STEAP3: variants seen among roughly 807,000 people sequenced by gnomAD.
The protein encoded by STEAP3 is metalloreductase STEAP3.
STEAP3 carries 35 observed loss-of-function variants against 34.9 expected under a neutral mutation model. That is an observed-to-expected ratio of 1.00 (90% confidence interval 0.76 to 1.33). The LOEUF is 1.33. Among genes scored for constraint, STEAP3 ranks in the 40% most tolerant of loss-of-function variants. The pLI is 0.00. For synonymous variants in STEAP3, 281 were observed against 301.6 expected, an observed-to-expected ratio of 0.93 and a Z score of 0.71; for missense variants, 652 against 667.6, an observed-to-expected ratio of 0.98 and a Z score of 0.26.
chr2:119,249,882 G>A (rs1020865703), intron 4 of STEAP3, among the ~76,000 whole-genome samples: 12 of 152,340 alleles, frequency 7.9e-5, no homozygotes, highest in African/African-American at 2.9e-4. Flanking sequence ...ATGAGAGGAA[G>A]GGAAGAAATC....
chr2:119,247,757 G>C lies in STEAP3; in HGVS notation c.601G>C (p.Asp201His). Residue 201 changes from aspartate to histidine, a missense_variant, in exon 4 of 6, where the codon GAC becomes CAC. Asp to His is a moderately conservative substitution (Grantham distance 81). Coordinates refer to ENST00000393110, the MANE Select transcript of STEAP3 (RefSeq NM_182915.3). ...MALAMGFMPV[D>H]MGSLASAWEV... ...GCTCGCCATGGGCTTCATGCCCGTG[G>C]ACATGGGATCCCTGGCGTCAGCCTG... The C allele has an allele frequency of 6.2e-7, 1 of 1,604,124 alleles. No homozygotes were observed. The highest frequency in any genetic ancestry group is 8.5e-7 in the Non-Finnish European group (1 of 1,176,990).
intron 4 of STEAP3, among the ~76,000 whole-genome samples, chr2:119,253,469 T>G (rs988688367): frequency 2.8e-5 from 4 of 144,314 alleles, no homozygotes; most frequent in Non-Finnish European, 4.5e-5. Flanking sequence ...TGAGCTCGTG[T>G]TTTTTTTTTT....
chr2:119,228,430 G>A (rs62159640), intron 1 of STEAP3, among the ~76,000 whole-genome samples: 47 of 152,296 alleles, frequency 3.1e-4, no homozygotes, highest in African/African-American at 1.1e-3. Flanking sequence ...GGAGTTTGAG[G>A]GGACCCACCA....
At chr2:119,256,337 G>A (rs1462514376) in intron 5 of STEAP3, among the ~76,000 whole-genome samples, 1 of 152,126 alleles carries the variant, frequency 6.6e-6, no homozygotes, top group African/African-American at 2.4e-5. Context: ...GTTAGCATAC[G>A]AGAAGGGGAA....
intron 5 of STEAP3, among the ~76,000 whole-genome samples, chr2:119,257,198 T>A (rs569665726): frequency 6.6e-6 from 1 of 152,212 alleles, no homozygotes; most frequent in Non-Finnish European, 1.5e-5. Context: ...GTGTTTTGCA[T>A]GGTGTCGGGA....
At chr2:119,243,352 T>C (rs1232138808) in intron 2 of STEAP3, among the ~76,000 whole-genome samples, 1 of 152,182 alleles carries the variant, frequency 6.6e-6, no homozygotes, top group African/African-American at 2.4e-5. Context: ...CTGGGACATC[T>C]CTGGAAAGCT....
intron 4 of STEAP3, among the ~76,000 whole-genome samples, chr2:119,250,996 G>A (rs1025125141): frequency 1.7e-4 from 26 of 152,152 alleles, no homozygotes; most frequent in Non-Finnish European, 2.9e-4. Context: ...CGGGGTGGGT[G>A]GTCGGAGGGA....
chr2:119,231,797 TAA>T (rs1185617663), intron 2 of STEAP3, among the ~76,000 whole-genome samples: 2 of 152,158 alleles, frequency 1.3e-5, no homozygotes, highest in Non-Finnish European at 2.9e-5. Context: ...AAAACGTTTG[TAA>T]GAGTCCATCA....
At chr2:119,242,990 C>G (rs1314533431) in intron 2 of STEAP3, among the ~76,000 whole-genome samples, 1 of 152,156 alleles carries the variant, frequency 6.6e-6, no homozygotes, top group Non-Finnish European at 1.5e-5. Context: ...CTCCCAGAAC[C>G]AGGCAGAAAA....
In STEAP3 at chr2:119,254,624, GC is replaced by G. The variant is rs1479343939; in HGVS notation, c.1051-57del. 1.9e-6 allele frequency: 3 copies of G among 1,599,592 alleles called. No homozygotes were observed. In the African/African-American group the frequency reaches 4.0e-5, roughly 21 times the overall value. On this transcript the variant is annotated intron_variant, in intron 4 of 5. Coordinates refer to ENST00000393110, the MANE Select transcript of STEAP3 (RefSeq NM_182915.3). ...TGTCTTTCTTGTGTCCTTCATCATT[GC>G]CCTCCCGGGGCACCAGCCTTTGCCA...
At position 119,263,038 on chromosome 2, in the gene STEAP3, C is replaced by A. The variant is rs1422478421; in HGVS notation, c.1216-19C>A. 6 of 1,597,406 alleles carry A rather than the reference C, an allele frequency of 3.8e-6. No individual in the cohort carries two copies. The highest frequency in any genetic ancestry group is 4.2e-6 in the Non-Finnish European group (5 of 1,176,798). On this transcript the variant is annotated intron_variant, in intron 5 of 5. Coordinates refer to ENST00000393110, the MANE Select transcript of STEAP3 (RefSeq NM_182915.3). ...TGTCATCCCCTCGCCCTCACTCCAG[C>A]CTTTTTTTCCCTCCACAGTCCTCAC...
At chr2:119,227,596 G>A (rs1679080880) in intron 1 of STEAP3, among the ~76,000 whole-genome samples, 1 of 152,152 alleles carries the variant, frequency 6.6e-6, no homozygotes, top group Non-Finnish European at 1.5e-5. Context: ...GTTCAGCAAA[G>A]ATCACATGTT....
intron 1 of STEAP3, among the ~76,000 whole-genome samples, chr2:119,226,631 C>T (rs569836448): frequency 2.0e-5 from 3 of 152,050 alleles, no homozygotes; most frequent in South Asian, 2.1e-4. Flanking sequence ...ACAGAAGTCC[C>T]TCTTCCTCCC....
intron 4 of STEAP3, among the ~76,000 whole-genome samples, chr2:119,251,103 G>A (rs146792974): frequency 1.5e-4 from 23 of 152,234 alleles, no homozygotes; most frequent in Admixed American, 5.9e-4. Context: ...AGCCATGCCC[G>A]CGGTTCTGGG....
intron 5 of STEAP3, among the ~76,000 whole-genome samples, chr2:119,262,212 A>G (rs1435467799): frequency 1.3e-5 from 2 of 152,280 alleles, no homozygotes; most frequent in East Asian, 1.9e-4. Flanking sequence ...TTTAAAATCA[A>G]TCCACTTTTT....
rs1316268978 is a variant in STEAP3, at chr2:119,247,862, T to C, written c.706T>C (p.Phe236Leu). The change falls in exon 4 of 6, where the codon TTC becomes CTC. Residue 236 changes from phenylalanine (F) to leucine (L), a missense_variant. Coordinates refer to ENST00000393110, the MANE Select transcript of STEAP3 (RefSeq NM_182915.3). ...TLLALGLFVCFYAYNFVRDVL... is the reference protein window; with the variant it reads ...TLLALGLFVCLYAYNFVRDVL... ...GCTGGCCCTGGGGCTCTTCGTCTGC[T>C]TCTATGCCTACAACTTCGTCCGGGA... 6.2e-7 allele frequency: 1 copy of C among 1,613,808 alleles called. No individual in the cohort carries two copies. Among genetic ancestry groups the C allele is most frequent in the Non-Finnish European group, 8.5e-7 (1 of 1,180,008 alleles).
intron 4 of STEAP3, among the ~76,000 whole-genome samples, chr2:119,250,509 G>C (rs1026953358): frequency 2.6e-5 from 4 of 152,192 alleles, no homozygotes; most frequent in Non-Finnish European, 4.4e-5. Context: ...CCCTTGGCAG[G>C]AGGCTCTGCG....
chr2:119,245,251 G>T, intron 2 of STEAP3: 1 of 507,114 alleles, frequency 2.0e-6, no homozygotes, highest in East Asian at 3.0e-5. Context: ...TTCAGCAGGA[G>T]GGACAAAGGG....
intron 2 of STEAP3, among the ~76,000 whole-genome samples, chr2:119,234,659 G>C (rs1475091974): frequency 1.3e-5 from 2 of 152,256 alleles, no homozygotes; most frequent in Non-Finnish European, 2.9e-5. Context: ...TAACAAATAA[G>C]AGAATTTGTC....
Sources: allele counts gnomAD v4.1 joint callset (sites outside exome capture counted in the v4.1 genomes callset), GRCh38; gene constraint gnomAD v4.1.1; transcripts MANE v1.5; gene names NCBI Gene and HGNC (gene_info 2026-07-23, HGNC 2026-07-21).